CHSY3: variants seen among roughly 807,000 people sequenced by gnomAD.
CHSY3 encodes the protein chondroitin sulfate synthase 3.
Under a neutral mutation model 67.2 loss-of-function variants are expected in CHSY3, and 35 were observed. The ratio of observed to expected loss-of-function variants is 0.52; its 90% CI spans 0.40 to 0.69. The LOEUF (loss-of-function observed/expected upper bound fraction) is 0.69, where lower values mean the gene tolerates loss of function less well. Among genes scored for constraint, CHSY3 ranks in the 30% least tolerant of loss-of-function variants. The probability of loss-of-function intolerance (pLI) is 0.00; values close to 1 mark genes in which losing one functional copy is unlikely to be tolerated. For missense variants in CHSY3, 1,069 were observed against 1,138.5 expected, an observed-to-expected ratio of 0.94 and a Z score of 0.88; for synonymous variants, 474 against 434.7, an observed-to-expected ratio of 1.09 and a Z score of -1.12.
intron 2 of CHSY3, among the ~76,000 whole-genome samples, chr5:130,063,531 C>A (rs1041244563): frequency 6.6e-6 from 1 of 152,030 alleles, no homozygotes; most frequent in South Asian, 2.1e-4. Flanking sequence ...AACCTTTCTT[C>A]GTTATTGTTG....
chr5:130,019,236 A>G (rs1764297354), intron 2 of CHSY3, among the ~76,000 whole-genome samples: 1 of 152,164 alleles, frequency 6.6e-6, no homozygotes, highest in Non-Finnish European at 1.5e-5. Flanking sequence ...CATGATTACC[A>G]TCAATATGGT....
At chr5:129,913,324 T>TA (rs1760630143) in intron 2 of CHSY3, among the ~76,000 whole-genome samples, 2 of 152,224 alleles carry the variant, frequency 1.3e-5, no homozygotes, top group African/African-American at 4.8e-5. Context: ...AGTTTCATGA[T>TA]AATATTCTGT....
At chr5:130,104,302 A>G (rs576970821) in intron 2 of CHSY3, among the ~76,000 whole-genome samples, 1 of 152,026 alleles carries the variant, frequency 6.6e-6, no homozygotes, top group East Asian at 1.9e-4. Flanking sequence ...CTCAGCCGTG[A>G]TGTTTTCTCA....
At chr5:130,086,219 C>A (rs1766616942) in intron 2 of CHSY3, among the ~76,000 whole-genome samples, 1 of 151,990 alleles carries the variant, frequency 6.6e-6, no homozygotes, top group Non-Finnish European at 1.5e-5. Context: ...GTGTTAAATT[C>A]TCCCATTATT....
chr5:129,985,721 G>C (rs1486060206), intron 2 of CHSY3, among the ~76,000 whole-genome samples: 1 of 151,990 alleles, frequency 6.6e-6, no homozygotes, highest in Non-Finnish European at 1.5e-5. Flanking sequence ...TTTGTAATTA[G>C]TATTGAACTG....
In CHSY3 at chr5:130,185,684, A is replaced by G. The variant is rs1362079047; in HGVS notation, c.2542A>G (p.Lys848Glu). ...CDPNLDPKQY[K>E]MCLGSKASTF... ...TCCTAACTTGGACCCTAAGCAGTAT[A>G]AGATGTGCTTAGGATCCAAGGCAAG... The change falls in exon 3 of 3, where the codon AAG becomes GAG. Residue 848 changes from lysine (K) to glutamate (E), a missense_variant. Physicochemically the swap from Lys to Glu is moderately conservative, Grantham distance 56 (BLOSUM62 1). Around this residue, in one of 5 missense-constraint regions of CHSY3, gnomAD observed 139 missense variants for 152.8 expected, o/e 0.91. Coordinates refer to ENST00000305031, the MANE Select transcript of CHSY3 (RefSeq NM_175856.5). The G allele has an allele frequency of 6.2e-7, 1 of 1,613,878 alleles. No homozygotes were observed. The highest frequency in any genetic ancestry group is 2.2e-5 in the East Asian group (1 of 44,882).
chr5:129,956,017 A>T (rs1275523204), intron 2 of CHSY3, among the ~76,000 whole-genome samples: 2 of 152,186 alleles, frequency 1.3e-5, no homozygotes, highest in African/African-American at 4.8e-5. Context: ...TCTTTACCAT[A>T]GAACAATTTA....
At position 130,025,096 on chromosome 5, in the gene CHSY3, A is replaced by G. The variant is rs116680805; in HGVS notation, c.1086+116736A>G. Among the ~76,000 whole-genome samples, 450 of 149,666 alleles carry G rather than the reference A, an allele frequency of 3.0e-3. 4 individuals carry two copies. The highest frequency in any genetic ancestry group is 0.011 in the African/African-American group (428 of 40,436). ...TATAACACATTTTTCTCCACTATGT[A>G]AAACTTATTTTCAGTGTTGTATTAG... is the stretch of plus-strand genomic sequence containing the variant. On this transcript the variant is annotated intron_variant, in intron 2 of 2. Coordinates refer to ENST00000305031, the MANE Select transcript of CHSY3 (RefSeq NM_175856.5).
chr5:130,065,410 C>T (rs754589672), intron 2 of CHSY3, among the ~76,000 whole-genome samples: 137 of 152,192 alleles, frequency 9.0e-4, no homozygotes, highest in Non-Finnish European at 2.2e-4. Flanking sequence ...ATTGGCCCTT[C>T]GTCTGCTCCT....
At chr5:130,068,364 A>G (rs1278844237) in intron 2 of CHSY3, among the ~76,000 whole-genome samples, 3 of 152,138 alleles carry the variant, frequency 2.0e-5, no homozygotes, top group South Asian at 2.1e-4. Context: ...CTGACTGTAC[A>G]TGATGGTCCA....
chr5:129,999,931 C>T (rs1232802801), intron 2 of CHSY3, among the ~76,000 whole-genome samples: 1 of 152,074 alleles, frequency 6.6e-6, no homozygotes. Flanking sequence ...CCCTATTCTT[C>T]CTTTCTGATT....
At chr5:130,060,189 C>T (rs1765666861) in intron 2 of CHSY3, among the ~76,000 whole-genome samples, 1 of 152,062 alleles carries the variant, frequency 6.6e-6, no homozygotes, top group Non-Finnish European at 1.5e-5. Flanking sequence ...AAACTGAATC[C>T]AAAAGCACAT....
chr5:129,916,154 G>A (rs917822766), intron 2 of CHSY3, among the ~76,000 whole-genome samples: 2 of 152,214 alleles, frequency 1.3e-5, no homozygotes, highest in Admixed American at 6.5e-5. Flanking sequence ...CTTCAAGGAT[G>A]TTATGTCTCA....
chr5:130,039,914 T>A (rs1023185051), intron 2 of CHSY3, among the ~76,000 whole-genome samples: 2 of 152,136 alleles, frequency 1.3e-5, no homozygotes, highest in African/African-American at 4.8e-5. Context: ...AGTATTTGAT[T>A]TTCCAGGGTT....
intron 2 of CHSY3, among the ~76,000 whole-genome samples, chr5:130,071,888 T>A (rs1766084328): frequency 6.6e-6 from 1 of 152,106 alleles, no homozygotes; most frequent in Non-Finnish European, 1.5e-5. Context: ...ATAGTAGCCA[T>A]TCTAGTAGGT....
intron 2 of CHSY3, among the ~76,000 whole-genome samples, chr5:130,015,549 A>G (rs548973513): frequency 1.3e-5 from 2 of 152,338 alleles, no homozygotes; most frequent in South Asian, 2.1e-4. Flanking sequence ...TTGCTCTGAC[A>G]TGAGTCAGAA....
chr5:129,967,821 A>G (rs1351532853), intron 2 of CHSY3, among the ~76,000 whole-genome samples: 2 of 151,830 alleles, frequency 1.3e-5, no homozygotes, highest in Admixed American at 6.6e-5. Flanking sequence ...GAAATCAGCC[A>G]TAGTAAGGGT....
chr5:129,978,460 A>C (rs531779720), intron 2 of CHSY3, among the ~76,000 whole-genome samples: 26 of 152,282 alleles, frequency 1.7e-4, no homozygotes, highest in Admixed American at 1.4e-3. Context: ...AAATATGTAA[A>C]TATACAGCTG....
At chr5:130,092,804 G>A (rs1452054287) in intron 2 of CHSY3, among the ~76,000 whole-genome samples, 2 of 152,080 alleles carry the variant, frequency 1.3e-5, no homozygotes, top group Admixed American at 6.6e-5. Context: ...CTAAAATTCA[G>A]GGTTTATATA....
Sources: gnomAD v4.1 joint callset for allele counts (sites outside exome capture counted in the v4.1 genomes callset) on GRCh38, gnomAD v4.1.1 for gene constraint, gnomAD v4.1.1 regional missense constraint, MANE v1.5 for transcripts, NCBI Gene and HGNC (gene_info 2026-07-23, HGNC 2026-07-21) for gene names.